Variants in MBD5 observed in about 807,000 individuals in gnomAD.
MBD5 encodes the protein methyl-CpG-binding domain protein 5.
A neutral mutation model predicts 117.3 loss-of-function variants in MBD5; 13 were observed. The ratio of observed to expected loss-of-function variants is 0.11; its 90% CI spans 0.07 to 0.18. MBD5 has a LOEUF of 0.18. Ranked by LOEUF, MBD5 falls within the 10% of genes least tolerant of loss-of-function variation. The probability of loss-of-function intolerance (pLI) is 1.00; values close to 1 mark genes in which losing one functional copy is unlikely to be tolerated. For synonymous variants in MBD5, 727 were observed against 766.4 expected, an observed-to-expected ratio of 0.95 and a Z score of 0.85; for missense variants, 1,879 against 2,093.8, an observed-to-expected ratio of 0.90 and a Z score of 2.00.
chr2:148,321,533 C>T (rs1003849085), intron 3 of MBD5, among the ~76,000 whole-genome samples: 4 of 151,956 alleles, frequency 2.6e-5, no homozygotes, highest in Admixed American at 2.6e-4. Flanking sequence ...GAAAGCAGAC[C>T]CACTCAGATC....
intron 4 of MBD5, among the ~76,000 whole-genome samples, chr2:148,389,908 A>G (rs979049676): frequency 1.3e-5 from 2 of 151,480 alleles, no homozygotes; most frequent in African/African-American, 2.4e-5. Flanking sequence ...TTTTTCTTTT[A>G]CTATGCCGAG....
intron 4 of MBD5, among the ~76,000 whole-genome samples, chr2:148,342,909 A>T (rs753301231): frequency 1.3e-5 from 2 of 151,772 alleles, no homozygotes; most frequent in Non-Finnish European, 2.9e-5. Context: ...TCAGTTTTTC[A>T]ACTCTTGCTC....
At chr2:148,500,799 T>C (rs1353957398) in intron 11 of MBD5, among the ~76,000 whole-genome samples, 1 of 152,230 alleles carries the variant, frequency 6.6e-6, no homozygotes, top group Non-Finnish European at 1.5e-5. Flanking sequence ...GAATCATTTA[T>C]TGATTACAAA....
At chr2:148,345,221 C>CACACACAA (rs368914958) in intron 4 of MBD5, among the ~76,000 whole-genome samples, 3 of 149,214 alleles carry the variant, frequency 2.0e-5, no homozygotes, top group African/African-American at 4.9e-5. Context: ...TATATATACA[C>CACACACAA]ACACACATAT....
Position 148,485,784 on chromosome 2 carries a change from T to C in MBD5, c.3587T>C (p.Leu1196Pro). 1 of 1,614,042 alleles carries C rather than the reference T, an allele frequency of 6.2e-7. No individual in the cohort carries two copies. Among genetic ancestry groups the C allele is most frequent in the Non-Finnish European group, 8.5e-7 (1 of 1,179,928 alleles). ...SINNTLSNHQLTHLQSLLNNN... is the reference protein window; with the variant it reads ...SINNTLSNHQPTHLQSLLNNN... ...AACAATACTTTGAGTAACCATCAAC[T>C]GACTCATCTACAGTCGCTGTTAAAC... The change falls in exon 10 of 14, where the codon CTG becomes CCG. Residue 1196 changes from leucine to proline, a missense_variant. By Grantham distance (98) the Leu-to-Pro change is moderately conservative (BLOSUM62 -3). This residue lies in a region of MBD5 where 1,666 missense variants were observed against 1,792.2 expected (regional missense o/e 0.93). Transcript: ENST00000642680.
At chr2:148,177,348 A>G (rs1291463757) in intron 1 of MBD5, among the ~76,000 whole-genome samples, 1 of 152,218 alleles carries the variant, frequency 6.6e-6, no homozygotes, top group African/African-American at 2.4e-5. Context: ...TCTGAACCAG[A>G]ACTGTGGGCA....
At chr2:148,239,084 G>GTA (rs200437984) in intron 3 of MBD5, among the ~76,000 whole-genome samples, 9 of 150,528 alleles carry the variant, frequency 6.0e-5, no homozygotes, top group Admixed American at 2.0e-4. Context: ...GTGGGTGTCT[G>GTA]TATATATATA....
intron 1 of MBD5, among the ~76,000 whole-genome samples, chr2:148,039,592 A>G (rs922147928): frequency 5.3e-5 from 8 of 152,176 alleles, no homozygotes; most frequent in African/African-American, 1.9e-4. Context: ...TTTTAAGTAT[A>G]AACTAATGAA....
chr2:148,065,950 G>A (rs1269151170), intron 1 of MBD5, among the ~76,000 whole-genome samples: 3 of 152,124 alleles, frequency 2.0e-5, no homozygotes, highest in Admixed American at 1.3e-4. Flanking sequence ...TTAAGGTTTC[G>A]GGTTGAGGAG....
intron 4 of MBD5, among the ~76,000 whole-genome samples, chr2:148,432,704 C>T (rs139147822): frequency 2.0e-5 from 3 of 152,208 alleles, no homozygotes; most frequent in African/African-American, 7.2e-5. Flanking sequence ...TCTGGGCCCT[C>T]TATTCTATTC....
chr2:148,035,869 A>G (rs750412068), intron 1 of MBD5, among the ~76,000 whole-genome samples: 1 of 152,134 alleles, frequency 6.6e-6, no homozygotes, highest in African/African-American at 2.4e-5. Flanking sequence ...TGCTTTAGAT[A>G]TATACAATGC....
chr2:148,490,521 C>A lies in MBD5; in HGVS notation c.4889C>A (p.Thr1630Asn), dbSNP rs2105133001. The A allele has an allele frequency of 6.2e-7, 1 of 1,614,192 alleles. No homozygotes were observed. ...GTCTGGGGCCAAATCAAAGGACTGA[C>A]TTCCTGGCCTGGAAAATTAGTAAGA... ...DLVWGQIKGL[T>N]SWPGKLVRED... is the part of the protein sequence containing the mutation. The change falls in exon 11 of 14, where the codon ACT becomes AAT. Residue 1630 changes from threonine (T) to asparagine (N), a missense_variant. Transcript: ENST00000642680.
intron 2 of MBD5, among the ~76,000 whole-genome samples, chr2:148,183,198 A>ATAT (rs1698570148): frequency 3.3e-5 from 5 of 152,084 alleles, no homozygotes; most frequent in Admixed American, 3.3e-4. Flanking sequence ...GATGTCCTCT[A>ATAT]CATTTGATAT....
At chr2:148,487,558 G>A (rs1211658125) in intron 10 of MBD5, among the ~76,000 whole-genome samples, 1 of 151,844 alleles carries the variant, frequency 6.6e-6, no homozygotes, top group Non-Finnish European at 1.5e-5. Context: ...TGAGAAAAAA[G>A]GTAAGATAAA....
chr2:148,390,469 GTA>G (rs977380763), intron 4 of MBD5, among the ~76,000 whole-genome samples: 2 of 150,346 alleles, frequency 1.3e-5, no homozygotes, highest in African/African-American at 2.5e-5. Flanking sequence ...ATATGTGTGT[GTA>G]TATATATAAG....
intron 3 of MBD5, among the ~76,000 whole-genome samples, chr2:148,251,141 G>T (rs1336949096): frequency 6.6e-6 from 1 of 152,050 alleles, no homozygotes; most frequent in Non-Finnish European, 1.5e-5. Context: ...GGTGCAAAAG[G>T]CAGGAGTGCC....
chr2:148,488,798 C>T (rs909134975), intron 10 of MBD5, among the ~76,000 whole-genome samples: 3 of 152,130 alleles, frequency 2.0e-5, no homozygotes, highest in Non-Finnish European at 2.9e-5. Flanking sequence ...CTTCTGCAAA[C>T]AGCCATTGTC....
intron 3 of MBD5, among the ~76,000 whole-genome samples, chr2:148,239,735 T>C (rs77343404): frequency 0.14 from 15,073 of 104,980 alleles, 807 homozygotes; most frequent in East Asian, 0.26. Flanking sequence ...TGAGATAGGG[T>C]CTTGCATTGT....
intron 4 of MBD5, among the ~76,000 whole-genome samples, chr2:148,452,163 C>T (rs2105488773): frequency 6.6e-6 from 1 of 152,222 alleles, no homozygotes; most frequent in African/African-American, 2.4e-5. Flanking sequence ...TACTTATTTT[C>T]ATGATGTTAC....
Sources: gnomAD v4.1 joint callset for allele counts (sites outside exome capture counted in the v4.1 genomes callset) on GRCh38, gnomAD v4.1.1 for gene constraint, gnomAD v4.1.1 regional missense constraint, MANE v1.5 for transcripts, NCBI Gene and HGNC (gene_info 2026-07-23, HGNC 2026-07-21) for gene names.